SIMC1: variants seen among roughly 807,000 people sequenced by gnomAD.
SIMC1 encodes SUMO-interacting motif-containing protein 1.
Under a neutral mutation model 82.3 loss-of-function variants are expected in SIMC1, and 55 were observed. That is an observed-to-expected ratio of 0.67 (90% CI 0.54 to 0.84). SIMC1 has a LOEUF of 0.84. Ranked by LOEUF, SIMC1 falls within the 40% of genes least tolerant of loss-of-function variation. The probability of loss-of-function intolerance (pLI) is 0.00; values close to 1 mark genes in which losing one functional copy is unlikely to be tolerated. For missense variants in SIMC1, 915 were observed against 1,107.2 expected (o/e 0.83, Z 2.46); for synonymous variants, 353 against 426.3 (o/e 0.83, Z 2.12).
intron 1 of SIMC1, among the ~76,000 whole-genome samples, chr5:176,285,742 T>C (rs1763244160): frequency 1.3e-5 from 2 of 152,156 alleles, no homozygotes; most frequent in African/African-American, 4.8e-5. Context: ...GAAAACCCCA[T>C]CGTCTCAGCC....
At chr5:176,298,017 G>A (rs980185977) in intron 4 of SIMC1, among the ~76,000 whole-genome samples, 1 of 152,138 alleles carries the variant, frequency 6.6e-6, no homozygotes, top group Non-Finnish European at 1.5e-5. Context: ...GGTAGACTAG[G>A]AAGCTCCAGG....
At chr5:176,324,836 T>A in intron 7 of SIMC1, 79 bp downstream of exon 7, 1 of 1,453,480 alleles carries the variant, frequency 6.9e-7, no homozygotes, top group Non-Finnish European at 9.1e-7. Context: ...TTTTATTAAA[T>A]TAACTTTTCT....
chr5:176,305,531 G>A (rs1764297731), intron 4 of SIMC1, among the ~76,000 whole-genome samples: 1 of 140,232 alleles, frequency 7.1e-6, no homozygotes, highest in Non-Finnish European at 1.6e-5. Flanking sequence ...GGAGGGAGGT[G>A]GGGGGGTCAG....
intron 1 of SIMC1, among the ~76,000 whole-genome samples, chr5:176,276,374 T>C (rs1762697280): frequency 6.6e-6 from 1 of 151,660 alleles, no homozygotes; most frequent in Non-Finnish European, 1.5e-5. Flanking sequence ...TTTTTCTTTA[T>C]TAGTCTTGCT....
At chr5:176,267,733 GTTTTTTTTTTTTTTTTTT>G (rs1159766316) in intron 1 of SIMC1, among the ~76,000 whole-genome samples, 29 of 27,236 alleles carry the variant, frequency 1.1e-3, no homozygotes, top group African/African-American at 4.1e-3. Context: ...TTTTCTTTCT[GTTTTTTTTTTTTTTTTTT>G]TTTTTTTTTT....
At chr5:176,258,357 A>G (rs1761913783) in intron 1 of SIMC1, among the ~76,000 whole-genome samples, 1 of 151,136 alleles carries the variant, frequency 6.6e-6, no homozygotes, top group Admixed American at 6.6e-5. Flanking sequence ...AGCTTCAACC[A>G]GATGCTAACT....
chr5:176,288,099 C>T (rs772103931), intron 1 of SIMC1, among the ~76,000 whole-genome samples: 29 of 152,254 alleles, frequency 1.9e-4, no homozygotes, highest in African/African-American at 4.3e-4. Flanking sequence ...TGATCCACCG[C>T]GCCTAGCCGG....
intron 1 of SIMC1, among the ~76,000 whole-genome samples, chr5:176,260,233 T>A (rs1451193180): frequency 1.3e-5 from 2 of 152,042 alleles, no homozygotes; most frequent in East Asian, 1.9e-4. Context: ...AAACCAAACA[T>A]CGTATGTTCT....
intron 1 of SIMC1, among the ~76,000 whole-genome samples, chr5:176,242,176 G>T (rs1761298265): frequency 6.6e-6 from 1 of 152,082 alleles, no homozygotes; most frequent in Non-Finnish European, 1.5e-5. Context: ...GCCCACCACA[G>T]CAGCAGCAGA....
Position 176,252,538 on chromosome 5 carries a change from G to A in SIMC1, c.129+13901G>A, listed in dbSNP as rs529088418. On this transcript the variant is annotated intron_variant, in intron 1 of 9. Coordinates refer to ENST00000429602, the MANE Select transcript of SIMC1 (RefSeq NM_001308195.2). ...CAGAGGCGCTTCCCACATCTCAGACGATGGGCGGCCGGGCAGAGACGCTCC... is the reference window on the plus strand; with the variant it reads ...CAGAGGCGCTTCCCACATCTCAGACAATGGGCGGCCGGGCAGAGACGCTCC... Among the ~76,000 whole-genome samples, 224 of 150,348 alleles carry A rather than the reference G, an allele frequency of 1.5e-3. 1 individual carries two copies. The highest frequency in any genetic ancestry group is 5.0e-3 in the African/African-American group (206 of 40,898).
intron 1 of SIMC1, among the ~76,000 whole-genome samples, chr5:176,271,365 A>C (rs1369346453): frequency 6.6e-6 from 1 of 152,174 alleles, no homozygotes; most frequent in Non-Finnish European, 1.5e-5. Flanking sequence ...GTCTCAAAAA[A>C]AAAAGTGTAT....
chr5:176,275,083 T>C (rs200094688), intron 1 of SIMC1, among the ~76,000 whole-genome samples: 1 of 151,726 alleles, frequency 6.6e-6, no homozygotes, highest in Non-Finnish European at 1.5e-5. Context: ...GCCATTTTCA[T>C]GATATTGATT....
At chr5:176,282,120 C>G (rs1763038012) in intron 1 of SIMC1, among the ~76,000 whole-genome samples, 1 of 152,264 alleles carries the variant, frequency 6.6e-6, no homozygotes, top group East Asian at 1.9e-4. Context: ...TTTACCTAAG[C>G]AAGCCTGGGC....
rs139702439 is a variant in SIMC1 at position 176,332,956 on chromosome 5, C to T, written c.2172-3764C>T. ...TCCCATCCCAACCCCTTTCTTAACC[C>T]CTTTCAACCATTAATCTGTTTTCCA... On this transcript the variant is annotated intron_variant, in intron 7 of 9. Coordinates refer to ENST00000429602, the MANE Select transcript of SIMC1 (RefSeq NM_001308195.2). Among the ~76,000 whole-genome samples the T allele has an allele frequency of 3.9e-5, 6 of 152,280 alleles. No homozygotes were observed. The East Asian group carries it at 1.2e-3, about 29-fold the overall frequency.
chr5:176,276,012 A>T (rs111895743), intron 1 of SIMC1, among the ~76,000 whole-genome samples: 3 of 151,046 alleles, frequency 2.0e-5, no homozygotes, highest in Non-Finnish European at 3.0e-5. Context: ...GGATTCCCTC[A>T]TTTTCTATTG....
intron 1 of SIMC1, among the ~76,000 whole-genome samples, chr5:176,252,263 C>T (rs1305618200): frequency 1.3e-5 from 2 of 151,124 alleles, no homozygotes; most frequent in East Asian, 3.9e-4. Context: ...TAGGCGGGGG[C>T]TGACCCCCTC....
intron 4 of SIMC1, among the ~76,000 whole-genome samples, chr5:176,301,942 TG>T (rs1012376051): frequency 6.6e-6 from 1 of 152,238 alleles, no homozygotes; most frequent in African/African-American, 2.4e-5. Flanking sequence ...ATGGGGGGAC[TG>T]GTTCCAGGAC....
intron 4 of SIMC1, chr5:176,309,038 T>C (rs1006931201): frequency 1.6e-5 from 12 of 770,834 alleles, no homozygotes; most frequent in Non-Finnish European, 2.6e-5. Context: ...TGGAGAAAGA[T>C]GAAAATATCC....
chr5:176,332,273 C>G (rs1561731330), intron 7 of SIMC1, among the ~76,000 whole-genome samples: 1 of 151,870 alleles, frequency 6.6e-6, no homozygotes. Context: ...AAATTAAAAT[C>G]TTTTTGTTTG....
Sources: gnomAD v4.1 joint callset for allele counts (sites outside exome capture counted in the v4.1 genomes callset) on GRCh38, gnomAD v4.1.1 for gene constraint, MANE v1.5 for transcripts, NCBI Gene and HGNC (gene_info 2026-07-23, HGNC 2026-07-21) for gene names.